The following GRIN2A variants were observed in gnomAD, a reference collection of about 807,000 sequenced individuals.
GRIN2A encodes glutamate ionotropic receptor NMDA type subunit 2A, also known as glutamate receptor ionotropic, NMDA 2A.
Under a neutral mutation model 113.4 loss-of-function variants are expected in GRIN2A, and 22 were observed. The observed-to-expected ratio is 0.19, with a 90% CI of 0.14 to 0.28. GRIN2A has a LOEUF of 0.28. GRIN2A is among the 10% of genes least tolerant of loss of function. The pLI is 1.00. For missense variants in GRIN2A, 1,502 were observed against 1,887.0 expected (o/e 0.80, Z 3.78); for synonymous variants, 827 against 738.4 (o/e 1.12, Z -1.94).
At chr16:9,795,652 G>C (rs529438640) in intron 11 of GRIN2A, among the ~76,000 whole-genome samples, 1 of 152,138 alleles carries the variant, frequency 6.6e-6, no homozygotes, top group African/African-American at 2.4e-5. Context: ...TATGTTACAG[G>C]GTCTATGCTA....
rs370222127 is a variant in GRIN2A at position 10,088,258 on chromosome 16, A to G, written c.414+91740T>C. 2.0e-5 allele frequency among the ~76,000 whole-genome samples: 3 copies of G among 152,276 alleles called. No individual in the cohort carries two copies. The South Asian group carries it at 6.2e-4, about 32-fold the overall frequency. ...AATTCATCCTAAAGTCGATTTCCTA[A>G]GCTTCGGCCTGGAAATACTGCCAAC... On this transcript the variant is annotated intron_variant, in intron 2 of 12. Transcript: ENST00000330684.
intron 2 of GRIN2A, among the ~76,000 whole-genome samples, chr16:10,046,486 C>T (rs2047261292): frequency 6.6e-6 from 1 of 152,030 alleles, no homozygotes; most frequent in Non-Finnish European, 1.5e-5. Context: ...CCAAAAGCAT[C>T]CCAATATAAA....
chr16:10,038,792 G>T (rs1006972602), intron 2 of GRIN2A, among the ~76,000 whole-genome samples: 1 of 151,324 alleles, frequency 6.6e-6, no homozygotes, highest in Admixed American at 6.6e-5. Context: ...AGCTTGCAGT[G>T]AGCCGAGATC....
chr16:10,178,917 ACTTACT>A (rs2050204385), intron 2 of GRIN2A, among the ~76,000 whole-genome samples: 1 of 152,218 alleles, frequency 6.6e-6, no homozygotes, highest in Non-Finnish European at 1.5e-5. Flanking sequence ...ACACAAGTAC[ACTTACT>A]CTTTCCTCGC....
intron 10 of GRIN2A, among the ~76,000 whole-genome samples, chr16:9,807,874 A>G (rs763590836): frequency 1.3e-5 from 2 of 152,202 alleles, no homozygotes; most frequent in African/African-American, 4.8e-5. Context: ...AGGAAGGAAA[A>G]CATAATCTGT....
intron 2 of GRIN2A, among the ~76,000 whole-genome samples, chr16:10,058,286 C>A (rs1021048056): frequency 1.2e-4 from 17 of 147,476 alleles, no homozygotes; most frequent in Admixed American, 3.3e-4. Flanking sequence ...AACCAAAAAA[C>A]AAAAAAACAA....
rs147939836 is a variant in GRIN2A at position 9,768,756 on chromosome 16, G to C, written c.2595+95C>G. ...TGACATGCCCAAGAAAGGCTGGTAA[G>C]GGGAGGAAGTGCAGACCCCACTGAG... On this transcript the variant is annotated intron_variant, in intron 12 of 12. Transcript: ENST00000330684. The C allele has an allele frequency of 6.7e-4, 566 of 843,574 alleles. 4 individuals carry two copies. The East Asian group carries it at 0.011, about 16-fold the overall frequency. 52.3% of individuals were successfully genotyped at this position (843,574 alleles called of 1,614,324 possible).
chr16:10,095,252 T>TTTTG (rs1340111796), intron 2 of GRIN2A, among the ~76,000 whole-genome samples: 4 of 152,110 alleles, frequency 2.6e-5, no homozygotes, highest in Non-Finnish European at 5.9e-5. Context: ...AAAAATAAAT[T>TTTTG]TTTGTTGTTT....
chr16:9,993,018 C>G (rs1248618480), intron 2 of GRIN2A, among the ~76,000 whole-genome samples: 1 of 151,874 alleles, frequency 6.6e-6, no homozygotes, highest in Non-Finnish European at 1.5e-5. Context: ...GAGTTCAAGA[C>G]CAACCTGGCA....
chr16:9,972,786 A>G (rs117583711), intron 2 of GRIN2A, among the ~76,000 whole-genome samples: 7,432 of 152,328 alleles, frequency 0.049, 251 homozygotes, highest in Non-Finnish European at 0.077. Flanking sequence ...TCACCTTGCC[A>G]CTGTCTAGAC....
intron 4 of GRIN2A, among the ~76,000 whole-genome samples, chr16:9,887,321 C>T (rs1369914976): frequency 6.6e-6 from 1 of 152,112 alleles, no homozygotes; most frequent in Non-Finnish European, 1.5e-5. Flanking sequence ...ATTCCCTGTG[C>T]CCCTGTCCTG....
chr16:9,775,179 C>T (rs1184034062), intron 11 of GRIN2A, among the ~76,000 whole-genome samples: 1 of 152,136 alleles, frequency 6.6e-6, no homozygotes, highest in Non-Finnish European at 1.5e-5. Flanking sequence ...CTTCTAAAAT[C>T]AGCTTCCACA....
intron 11 of GRIN2A, among the ~76,000 whole-genome samples, chr16:9,796,685 CGA>C (rs1903009286): frequency 1.3e-5 from 2 of 152,158 alleles, no homozygotes; most frequent in Admixed American, 1.3e-4. Context: ...CTTTTCAGCC[CGA>C]GACACAGCAG....
At chr16:9,911,269 T>A (rs758827510) in intron 3 of GRIN2A, among the ~76,000 whole-genome samples, 12 of 152,094 alleles carry the variant, frequency 7.9e-5, no homozygotes, top group Non-Finnish European at 1.5e-4. Context: ...GGAGAATCAC[T>A]TGAGGCCAGG....
chr16:9,988,601 T>C (rs2046034534), intron 2 of GRIN2A, among the ~76,000 whole-genome samples: 1 of 152,030 alleles, frequency 6.6e-6, no homozygotes, highest in African/African-American at 2.4e-5. Flanking sequence ...CAATGAATAT[T>C]CAAAGAGCAT....
intron 10 of GRIN2A, among the ~76,000 whole-genome samples, chr16:9,815,020 T>TCAAAA (rs1337176499): frequency 4.2e-4 from 52 of 124,374 alleles, no homozygotes; most frequent in Middle Eastern, 4.2e-3. Flanking sequence ...AAACTCCGTT[T>TCAAAA]CAAAAAAAAA....
intron 2 of GRIN2A, among the ~76,000 whole-genome samples, chr16:9,971,067 A>G (rs2045660507): frequency 1.3e-5 from 2 of 152,214 alleles, no homozygotes; most frequent in South Asian, 4.1e-4. Flanking sequence ...TGATCAAGGC[A>G]TGAACAAAGG....
At chr16:10,048,347 G>C (rs1057385574) in intron 2 of GRIN2A, among the ~76,000 whole-genome samples, 2 of 152,174 alleles carry the variant, frequency 1.3e-5, no homozygotes, top group Non-Finnish European at 2.9e-5. Flanking sequence ...TTGGCAGCCA[G>C]AGTCAAGTTT....
chr16:10,021,487 G>C (rs570291282), intron 2 of GRIN2A, among the ~76,000 whole-genome samples: 4 of 152,260 alleles, frequency 2.6e-5, no homozygotes, highest in Admixed American at 6.5e-5. Flanking sequence ...TCGCCACTCA[G>C]TGAACTGTGA....
Sources: gnomAD v4.1 joint callset for allele counts (sites outside exome capture counted in the v4.1 genomes callset) on GRCh38, gnomAD v4.1.1 for gene constraint, MANE v1.5 for transcripts, NCBI Gene and HGNC (gene_info 2026-07-23, HGNC 2026-07-21) for gene names.